Variants in NCOA2 observed in about 807,000 individuals in gnomAD.
The protein encoded by NCOA2 is class E basic helix-loop-helix protein 75.
In NCOA2, 21 loss-of-function variants were observed where a neutral mutation model predicts 145.1. The ratio of observed to expected loss-of-function variants is 0.14; its 90% confidence interval spans 0.10 to 0.21. The LOEUF is 0.21. Among genes scored for constraint, NCOA2 ranks in the 10% least tolerant of loss-of-function variants. The pLI, the probability that NCOA2 is intolerant of heterozygous loss-of-function variation, is 1.00. For synonymous variants in NCOA2, 619 were observed against 637.5 expected (o/e 0.97, Z 0.44); for missense variants, 1,472 against 1,837.6 (o/e 0.80, Z 3.64).
intron 4 of NCOA2, 145 bp from the exon 5 acceptor site, chr8:70,175,004 C>A: frequency 1.4e-6 from 1 of 690,630 alleles, no homozygotes; most frequent in Non-Finnish European, 2.4e-6. Context: ...CCCTGTTGCC[C>A]CTAAATGGGA....
intron 1 of NCOA2, among the ~76,000 whole-genome samples, chr8:70,339,717 T>C (rs1199935668): frequency 2.6e-5 from 4 of 152,200 alleles, no homozygotes; most frequent in Non-Finnish European, 5.9e-5. Context: ...CAAAACAGCA[T>C]GGTACTGGTA....
chr8:70,371,755 T>C (rs1157070384), intron 1 of NCOA2, among the ~76,000 whole-genome samples: 1 of 152,184 alleles, frequency 6.6e-6, no homozygotes, highest in Non-Finnish European at 1.5e-5. Context: ...AGAACACTAC[T>C]GCAGCTTTTA....
intron 2 of NCOA2, among the ~76,000 whole-genome samples, chr8:70,290,148 A>G (rs1826549290): frequency 6.6e-6 from 1 of 150,934 alleles, no homozygotes; most frequent in African/African-American, 2.4e-5. Flanking sequence ...AAGGCAAAAT[A>G]TAATGGTGCC....
At chr8:70,224,818 A>C (rs1217563592) in intron 2 of NCOA2, among the ~76,000 whole-genome samples, 1 of 151,642 alleles carries the variant, frequency 6.6e-6, no homozygotes, top group Admixed American at 6.6e-5. Context: ...CATTATAATA[A>C]GAAGTACAAC....
Position 70,138,328 on chromosome 8 carries a change from T to C in NCOA2, c.3033A>G (p.Pro1011=). ...CCCCCATGTTCATCTCTAATTCAGA[T>C]GGCCCTAGAAAGGGAGAAGAAAAAA... is the stretch of plus-strand genomic sequence containing the variant. ...TLQSQVMNIG[P]SELEMNMGGP... The change falls in exon 15 of 23, where the codon CCA becomes CCG. Residue 1011 remains proline, a synonymous_variant. Transcript: ENST00000452400. The C allele has an allele frequency of 3.1e-6, 5 of 1,608,310 alleles. No homozygotes were observed. Among genetic ancestry groups the C allele is most frequent in the Non-Finnish European group, 3.4e-6 (4 of 1,177,796 alleles).
intron 1 of NCOA2, among the ~76,000 whole-genome samples, chr8:70,341,528 C>G (rs1808142084): frequency 6.6e-6 from 1 of 152,198 alleles, no homozygotes; most frequent in Non-Finnish European, 1.5e-5. Context: ...TACATAGCCA[C>G]ACAGTTTAAT....
At chr8:70,307,366 C>T (rs1380071450) in intron 1 of NCOA2, among the ~76,000 whole-genome samples, 1 of 152,056 alleles carries the variant, frequency 6.6e-6, no homozygotes, top group East Asian at 1.9e-4. Flanking sequence ...ATTCTGAAAC[C>T]TAAGGTGGGA....
chr8:70,311,207 A>G (rs996936830), intron 1 of NCOA2, among the ~76,000 whole-genome samples: 1 of 152,190 alleles, frequency 6.6e-6, no homozygotes, highest in Non-Finnish European at 1.5e-5. Flanking sequence ...AATGTTTTCA[A>G]AAGAGGTCAC....
chr8:70,426,947 C>T, the NCOA2 span, among the ~76,000 whole-genome samples: 1 of 152,118 alleles, frequency 6.6e-6, no homozygotes, highest in Non-Finnish European at 1.5e-5. Flanking sequence ...TGTGTGCCAC[C>T]ACACTCTACT....
At chr8:70,364,307 A>C (rs556988399) in intron 1 of NCOA2, among the ~76,000 whole-genome samples, 7 of 152,202 alleles carry the variant, frequency 4.6e-5, no homozygotes, top group Non-Finnish European at 8.8e-5. Flanking sequence ...CTTCAAATAC[A>C]GTATGTGGAA....
At chr8:70,425,885 G>A in the NCOA2 span, among the ~76,000 whole-genome samples, 2 of 152,140 alleles carry the variant, frequency 1.3e-5, no homozygotes, top group South Asian at 4.1e-4. Context: ...CTGCTCCCCA[G>A]CCTGAGTCTG....
chr8:70,452,404 T>A, the NCOA2 span, among the ~76,000 whole-genome samples: 1 of 152,132 alleles, frequency 6.6e-6, no homozygotes, highest in Admixed American at 6.6e-5. Context: ...GTCACACCCA[T>A]GAGGATAACT....
chr8:70,215,193 G>C (rs529468331), intron 3 of NCOA2, among the ~76,000 whole-genome samples: 72 of 152,082 alleles, frequency 4.7e-4, no homozygotes, highest in African/African-American at 1.5e-3. Flanking sequence ...GGAATGCTTA[G>C]AATAGCCCAG....
At chr8:70,259,499 T>A (rs1056922664) in intron 2 of NCOA2, among the ~76,000 whole-genome samples, 6 of 152,216 alleles carry the variant, frequency 3.9e-5, no homozygotes, top group African/African-American at 1.4e-4. Context: ...ATTATTTTGT[T>A]ATACTTCAAT....
chr8:70,238,202 C>T (rs757701272), intron 2 of NCOA2, among the ~76,000 whole-genome samples: 5 of 152,120 alleles, frequency 3.3e-5, no homozygotes, highest in Non-Finnish European at 5.9e-5. Context: ...AGGAAACATA[C>T]GTAGGTGAGA....
intron 1 of NCOA2, among the ~76,000 whole-genome samples, chr8:70,317,497 C>G (rs1007907873): frequency 6.6e-6 from 1 of 152,114 alleles, no homozygotes; most frequent in East Asian, 1.9e-4. Flanking sequence ...ATCCAATATT[C>G]AACATAAAAA....
intron 1 of NCOA2, among the ~76,000 whole-genome samples, chr8:70,301,610 C>A (rs1376114611): frequency 7.2e-6 from 1 of 139,554 alleles, no homozygotes; most frequent in African/African-American, 2.7e-5. Context: ...GAGTCGTGAT[C>A]ACGCCACTGC....
chr8:70,431,151 T>C, the NCOA2 span, among the ~76,000 whole-genome samples: 1 of 152,070 alleles, frequency 6.6e-6, no homozygotes. Flanking sequence ...ATCTCAAAAA[T>C]GACAGTTCAA....
At chr8:70,368,998 T>C (rs536203937) in intron 1 of NCOA2, among the ~76,000 whole-genome samples, 2 of 152,000 alleles carry the variant, frequency 1.3e-5, no homozygotes, top group African/African-American at 4.8e-5. Flanking sequence ...AACAGTAAAG[T>C]CTCAAAAAAA....
Sources: allele counts gnomAD v4.1 joint callset (sites outside exome capture counted in the v4.1 genomes callset), GRCh38; gene constraint gnomAD v4.1.1; transcripts MANE v1.5; gene names NCBI Gene and HGNC (gene_info 2026-07-23, HGNC 2026-07-21).